The following NELL1 variants were observed in gnomAD, a reference collection of about 807,000 sequenced individuals.
NELL1 encodes the protein protein kinase C-binding protein NELL1.
Under a neutral mutation model 107.4 loss-of-function variants are expected in NELL1, and 76 were observed. That is an observed-to-expected ratio of 0.71 (90% CI 0.59 to 0.86). The LOEUF is 0.86. NELL1 is among the 40% of genes least tolerant of loss of function. NELL1 has a pLI of 0.00. For synonymous variants in NELL1, 353 were observed against 341.2 expected (o/e 1.03, Z -0.38); for missense variants, 1,024 against 1,005.5 (o/e 1.02, Z -0.25).
At chr11:21,497,358 G>C (rs1855009487) in intron 15 of NELL1, among the ~76,000 whole-genome samples, 1 of 152,064 alleles carries the variant, frequency 6.6e-6, no homozygotes, top group African/African-American at 2.4e-5. Context: ...TTTCAGTGCA[G>C]ATCTTTTCCT....
At chr11:20,830,454 A>G (rs986879100) in intron 3 of NELL1, among the ~76,000 whole-genome samples, 1 of 150,582 alleles carries the variant, frequency 6.6e-6, no homozygotes, top group African/African-American at 2.4e-5. Flanking sequence ...CTCCTGCCTC[A>G]GCCTCCCAAG....
chr11:20,817,643 C>G (rs147724159), intron 3 of NELL1, among the ~76,000 whole-genome samples: 1,521 of 151,442 alleles, frequency 0.01, 14 homozygotes, highest in Middle Eastern at 0.027. Flanking sequence ...TCCTTTAGTT[C>G]TCTCCTGATT....
intron 12 of NELL1, among the ~76,000 whole-genome samples, chr11:21,095,287 G>A (rs1466299446): frequency 6.6e-6 from 1 of 152,084 alleles, no homozygotes; most frequent in African/African-American, 2.4e-5. Context: ...TCGCTATCAG[G>A]CTTTTCATCA....
At chr11:21,000,075 G>A (rs969127435) in intron 12 of NELL1, among the ~76,000 whole-genome samples, 3 of 152,244 alleles carry the variant, frequency 2.0e-5, no homozygotes, top group African/African-American at 7.2e-5. Flanking sequence ...TGAACAAAAG[G>A]TGTTGGCAAT....
intron 12 of NELL1, among the ~76,000 whole-genome samples, chr11:21,018,663 C>T (rs917249270): frequency 2.6e-5 from 4 of 152,024 alleles, no homozygotes; most frequent in Admixed American, 6.6e-5. Flanking sequence ...TCCTGGGTGC[C>T]CATGTCAACG....
rs1161737750 is a variant in NELL1, at chr11:20,778,498, CTTTTTT to C, written c.185-5163_185-5158del. Among the ~76,000 whole-genome samples, 374 of 73,048 alleles carry C rather than the reference CTTTTTT, an allele frequency of 5.1e-3. 1 individual carries two copies. Among genetic ancestry groups the C allele is most frequent in the Middle Eastern group, 0.044 (4 of 90 alleles). The allele number at this position is 73,048 out of a possible 152,430, so 47.9% of individuals were successfully genotyped here. ...TCCAATCTCCTCCCTTCACCCAGCA[CTTTTTT>C]TTTTTTTTTTTTTTTTTTGCTGATG... On this transcript the variant is annotated intron_variant, in intron 2 of 19. Transcript: ENST00000357134.
intron 17 of NELL1, among the ~76,000 whole-genome samples, chr11:21,566,452 GTA>G (rs1486273543): frequency 6.7e-6 from 1 of 150,024 alleles, no homozygotes; most frequent in African/African-American, 2.5e-5. Flanking sequence ...AAGAAAAAAT[GTA>G]TTTTTTTTAC....
intron 2 of NELL1, among the ~76,000 whole-genome samples, chr11:20,754,148 C>G (rs142232872): frequency 1.8e-3 from 278 of 151,676 alleles, no homozygotes; most frequent in Middle Eastern, 0.01. Context: ...GTGTAGCTAC[C>G]AAAAAAGAGG....
intron 12 of NELL1, among the ~76,000 whole-genome samples, chr11:21,027,275 G>C (rs1321687366): frequency 6.7e-6 from 1 of 148,362 alleles, no homozygotes; most frequent in East Asian, 2.0e-4. Flanking sequence ...GTTAATCTGG[G>C]AAAAGCCTAG....
chr11:21,060,722 G>A (rs1252321703), intron 12 of NELL1, among the ~76,000 whole-genome samples: 3 of 152,122 alleles, frequency 2.0e-5, no homozygotes, highest in Non-Finnish European at 4.4e-5. Context: ...TTTGTTTTGA[G>A]ACAGAGTCTC....
chr11:20,890,243 A>C (rs1849591179), intron 5 of NELL1, among the ~76,000 whole-genome samples: 1 of 152,034 alleles, frequency 6.6e-6, no homozygotes, highest in South Asian at 2.1e-4. Flanking sequence ...TCCCCAGCAA[A>C]CTGCAGCAGC....
chr11:21,424,150 G>A (rs1244000494), intron 15 of NELL1, among the ~76,000 whole-genome samples: 1 of 151,924 alleles, frequency 6.6e-6, no homozygotes, highest in Admixed American at 6.6e-5. Context: ...GAATAGAAAA[G>A]CAATAGAAAA....
At chr11:21,474,397 A>G (rs902594608) in intron 15 of NELL1, among the ~76,000 whole-genome samples, 2 of 152,082 alleles carry the variant, frequency 1.3e-5, no homozygotes, top group African/African-American at 4.8e-5. Context: ...ATAAGATAAA[A>G]ATCAAGAGAA....
chr11:21,555,120 C>G (rs1403165469), intron 16 of NELL1, among the ~76,000 whole-genome samples: 1 of 151,822 alleles, frequency 6.6e-6, no homozygotes, highest in Non-Finnish European at 1.5e-5. Context: ...AGCAGTGTAT[C>G]TGGCATAGAG....
intron 11 of NELL1, among the ~76,000 whole-genome samples, chr11:20,955,349 G>A (rs1851149083): frequency 6.6e-6 from 1 of 152,150 alleles, no homozygotes; most frequent in African/African-American, 2.4e-5. Context: ...ACTCTCTAAT[G>A]TCCCAAGGAG....
intron 2 of NELL1, among the ~76,000 whole-genome samples, chr11:20,688,458 T>C (rs1402462128): frequency 1.3e-5 from 2 of 152,148 alleles, no homozygotes; most frequent in African/African-American, 4.8e-5. Flanking sequence ...TAGCTCCCAC[T>C]TATAAGTGAG....
At chr11:21,194,902 C>T (rs1277819066) in intron 13 of NELL1, among the ~76,000 whole-genome samples, 3 of 152,092 alleles carry the variant, frequency 2.0e-5, no homozygotes, top group Non-Finnish European at 2.9e-5. Context: ...AAGCAGATTA[C>T]AGGGGTCCAT....
intron 15 of NELL1, among the ~76,000 whole-genome samples, chr11:21,388,817 G>A (rs1046800150): frequency 4.0e-5 from 6 of 151,768 alleles, no homozygotes; most frequent in Non-Finnish European, 8.8e-5. Context: ...AACCCAGAGG[G>A]AAATAACATT....
intron 15 of NELL1, among the ~76,000 whole-genome samples, chr11:21,406,085 G>C (rs1852227957): frequency 6.6e-6 from 1 of 151,832 alleles, no homozygotes; most frequent in Non-Finnish European, 1.5e-5. Context: ...TAGAGAAACA[G>C]AAATAAAAAC....
Sources: allele counts gnomAD v4.1 joint callset (sites outside exome capture counted in the v4.1 genomes callset), GRCh38; gene constraint gnomAD v4.1.1; transcripts MANE v1.5; gene names NCBI Gene and HGNC (gene_info 2026-07-23, HGNC 2026-07-21).